The following CDH13 variants were observed in gnomAD, a reference collection of about 807,000 sequenced individuals.
The protein encoded by CDH13 is cadherin-13.
A neutral mutation model predicts 63.8 loss-of-function variants in CDH13; 24 were observed. That is an observed-to-expected ratio of 0.38 (90% confidence interval 0.27 to 0.53). CDH13 has a LOEUF of 0.53. Ranked by LOEUF, CDH13 falls within the 20% of genes least tolerant of loss-of-function variation. The pLI is 0.85. For synonymous variants in CDH13, 503 were observed against 355.3 expected (o/e 1.42, Z -4.67); for missense variants, 1,049 against 903.1 (o/e 1.16, Z -2.07).
At chr16:82,778,604 A>G (rs2035609007) in intron 1 of CDH13, among the ~76,000 whole-genome samples, 1 of 135,536 alleles carries the variant, frequency 7.4e-6, no homozygotes, top group South Asian at 2.4e-4. Flanking sequence ...GGTCTGCTTT[A>G]TCTATTCTCA....
chr16:83,005,381 C>T (rs1165396109), intron 2 of CDH13, among the ~76,000 whole-genome samples: 2 of 152,166 alleles, frequency 1.3e-5, no homozygotes, highest in Non-Finnish European at 2.9e-5. Flanking sequence ...AGTTCCTTAC[C>T]TCCTGTAACC....
intron 1 of CDH13, among the ~76,000 whole-genome samples, chr16:82,810,531 A>G (rs1238287986): frequency 6.6e-6 from 1 of 152,138 alleles, no homozygotes; most frequent in Non-Finnish European, 1.5e-5. Context: ...CGAAAATGAC[A>G]AGGGTGCTTT....
intron 4 of CDH13, among the ~76,000 whole-genome samples, chr16:83,175,829 T>G (rs2038098329): frequency 7.1e-6 from 1 of 140,786 alleles, no homozygotes; most frequent in African/African-American, 2.7e-5. Flanking sequence ...TGCTTTTTTT[T>G]TTTTTTTTTT....
Position 83,486,322 on chromosome 16 carries a change from G to C in CDH13, c.782-155G>C, listed in dbSNP as rs140862124. Among the ~76,000 whole-genome samples the C allele has an allele frequency of 6.4e-3, 971 of 152,332 alleles. 6 individuals are homozygous for C. The highest frequency in any genetic ancestry group is 0.011 in the Non-Finnish European group (735 of 68,030). ...ACAGAGAGGGAAAGGAGGAAGAAAA[G>C]CTGAAACATAGCAAAGCTTGGGAAA... On this transcript the variant is annotated intron_variant, in intron 6 of 13. Transcript: ENST00000567109.
intron 7 of CDH13, among the ~76,000 whole-genome samples, chr16:83,601,049 C>G (rs962278911): frequency 5.9e-5 from 9 of 152,158 alleles, no homozygotes; most frequent in South Asian, 2.1e-4. Context: ...CTGTCAAACA[C>G]AGGGCCTGGA....
intron 6 of CDH13, among the ~76,000 whole-genome samples, chr16:83,409,653 C>G: frequency 6.6e-6 from 1 of 152,224 alleles, no homozygotes; most frequent in East Asian, 1.9e-4. Context: ...TCTGCCTAGC[C>G]TATTTCCCTC....
At chr16:82,665,175 A>G (rs1212608785) in intron 1 of CDH13, among the ~76,000 whole-genome samples, 1 of 152,156 alleles carries the variant, frequency 6.6e-6, no homozygotes, top group African/African-American at 2.4e-5. Flanking sequence ...TTAATGCCAC[A>G]TTTGCCACAA....
intron 6 of CDH13, among the ~76,000 whole-genome samples, chr16:83,426,224 A>G (rs893503858): frequency 5.9e-5 from 9 of 152,212 alleles, no homozygotes; most frequent in Middle Eastern, 3.4e-3. Flanking sequence ...ACCCTAATGC[A>G]TTGAGATTCT....
At chr16:83,393,429 G>A (rs1339604414) in intron 6 of CDH13, among the ~76,000 whole-genome samples, 1 of 152,134 alleles carries the variant, frequency 6.6e-6, no homozygotes, top group Non-Finnish European at 1.5e-5. Context: ...CTAGAGATGT[G>A]AGGAGAAGCC....
At chr16:82,842,163 T>TACAC (rs1237331745) in intron 1 of CDH13, among the ~76,000 whole-genome samples, 48 of 26,146 alleles carry the variant, frequency 1.8e-3, no homozygotes, top group Middle Eastern at 0.018. Flanking sequence ...TATATATATA[T>TACAC]ACACACACAC....
intron 10 of CDH13, among the ~76,000 whole-genome samples, chr16:83,732,818 G>T (rs1458963704): frequency 6.6e-6 from 1 of 152,164 alleles, no homozygotes; most frequent in Non-Finnish European, 1.5e-5. Flanking sequence ...ACAGAGCCTT[G>T]AAATCCCTGG....
chr16:82,999,889 C>T (rs1344252768), intron 2 of CDH13, among the ~76,000 whole-genome samples: 1 of 152,078 alleles, frequency 6.6e-6, no homozygotes, highest in Non-Finnish European at 1.5e-5. Context: ...AAACCCGGGA[C>T]AATTTCACCC....
intron 5 of CDH13, among the ~76,000 whole-genome samples, chr16:83,270,473 G>A (rs1161613955): frequency 6.6e-6 from 1 of 152,170 alleles, no homozygotes; most frequent in Non-Finnish European, 1.5e-5. Flanking sequence ...CCCCCATTGT[G>A]AAATTTAAAA....
intron 3 of CDH13, among the ~76,000 whole-genome samples, chr16:83,051,108 T>C (rs184683046): frequency 3.3e-4 from 50 of 152,238 alleles, no homozygotes; most frequent in Admixed American, 2.0e-3. Context: ...TACTATCTAA[T>C]TGACTTCCCA....
chr16:83,549,351 G>C (rs2075448250), intron 7 of CDH13, among the ~76,000 whole-genome samples: 1 of 152,204 alleles, frequency 6.6e-6, no homozygotes, highest in African/African-American at 2.4e-5. Flanking sequence ...ATATCAGCTA[G>C]AAAGGAAAGG....
chr16:83,014,307 A>G (rs1263630278), intron 2 of CDH13, among the ~76,000 whole-genome samples: 1 of 143,052 alleles, frequency 7.0e-6, no homozygotes, highest in Non-Finnish European at 1.5e-5. Flanking sequence ...CAACTCTTAG[A>G]GCCCAAATCG....
At chr16:82,965,721 G>T (rs1254681713) in intron 2 of CDH13, among the ~76,000 whole-genome samples, 1 of 152,150 alleles carries the variant, frequency 6.6e-6, no homozygotes, top group East Asian at 1.9e-4. Context: ...TCAAACTACT[G>T]ACCTCAAGTG....
intron 2 of CDH13, among the ~76,000 whole-genome samples, chr16:83,007,923 C>T (rs1913713742): frequency 6.6e-6 from 1 of 152,036 alleles, no homozygotes; most frequent in Non-Finnish European, 1.5e-5. Flanking sequence ...GGCCAAACAA[C>T]ATTAAGTCAG....
chr16:83,317,603 C>G (rs554313135), intron 5 of CDH13, among the ~76,000 whole-genome samples: 1 of 152,186 alleles, frequency 6.6e-6, no homozygotes, highest in African/African-American at 2.4e-5. Context: ...GAGTTTGAGA[C>G]CAGCCTGACC....
Sources: gnomAD v4.1 joint callset for allele counts (sites outside exome capture counted in the v4.1 genomes callset) on GRCh38, gnomAD v4.1.1 for gene constraint, MANE v1.5 for transcripts, NCBI Gene and HGNC (gene_info 2026-07-23, HGNC 2026-07-21) for gene names.